LDLRAD4: variants seen among roughly 807,000 people sequenced by gnomAD.
LDLRAD4 encodes the protein low-density lipoprotein receptor class A domain-containing protein 4.
Under a neutral mutation model 17.0 loss-of-function variants are expected in LDLRAD4, and 5 were observed. That is an observed-to-expected ratio of 0.29 (90% CI 0.15 to 0.62). The LOEUF (loss-of-function observed/expected upper bound fraction) is 0.62, where lower values mean the gene tolerates loss of function less well. LDLRAD4 is among the 20% of genes least tolerant of loss of function. The probability of loss-of-function intolerance (pLI) is 0.84; values close to 1 mark genes in which losing one functional copy is unlikely to be tolerated. For missense variants in LDLRAD4, 340 were observed against 424.7 expected (o/e 0.80, Z 1.75); for synonymous variants, 168 against 171.8 (o/e 0.98, Z 0.17).
chr18:13,641,694 G>A, intron 4 of LDLRAD4: 1 of 948,114 alleles, frequency 1.1e-6, no homozygotes, highest in Non-Finnish European at 1.3e-6. Context: ...TCCTGTCCGG[G>A]CTGGCGGGGC....
intron 3 of LDLRAD4, among the ~76,000 whole-genome samples, chr18:13,608,354 G>C (rs187880837): frequency 8.1e-4 from 123 of 152,060 alleles, no homozygotes; most frequent in Non-Finnish European, 1.6e-3. Context: ...ACTGGAGGGG[G>C]AGGCAGCGGG....
chr18:13,238,912 G>T (rs545527103), intron 1 of LDLRAD4, among the ~76,000 whole-genome samples: 14 of 152,118 alleles, frequency 9.2e-5, no homozygotes, highest in Non-Finnish European at 1.6e-4. Flanking sequence ...GTAAGGCCAG[G>T]CGGGTGGCTC....
At chr18:13,636,643 G>A (rs2042107981) in intron 4 of LDLRAD4, among the ~76,000 whole-genome samples, 1 of 151,228 alleles carries the variant, frequency 6.6e-6, no homozygotes, top group Non-Finnish European at 1.5e-5. Flanking sequence ...TTGTAGGCGT[G>A]CACCACCGTG....
intron 3 of LDLRAD4, among the ~76,000 whole-genome samples, chr18:13,468,782 T>C (rs531944767): frequency 6.6e-4 from 91 of 138,428 alleles, no homozygotes; most frequent in African/African-American, 2.2e-3. Context: ...TTCTCACTCA[T>C]AGGTGGGAAT....
intron 1 of LDLRAD4, among the ~76,000 whole-genome samples, chr18:13,331,892 G>C (rs1479573544): frequency 6.6e-6 from 1 of 152,182 alleles, no homozygotes; most frequent in East Asian, 1.9e-4. Flanking sequence ...TTAGAGCCAA[G>C]ATCTTGCTCT....
intron 3 of LDLRAD4, among the ~76,000 whole-genome samples, chr18:13,582,547 A>G (rs1031853516): frequency 2.6e-5 from 4 of 152,120 alleles, no homozygotes; most frequent in Admixed American, 2.6e-4. Context: ...GAGCGATGGG[A>G]GGAGGCATTT....
At chr18:13,585,010 G>A (rs1285694773) in intron 3 of LDLRAD4, among the ~76,000 whole-genome samples, 7 of 152,196 alleles carry the variant, frequency 4.6e-5, no homozygotes, top group East Asian at 3.8e-4. Context: ...TATCTTACAC[G>A]CGTCTGAGCT....
chr18:13,590,508 T>C (rs1245607532), intron 3 of LDLRAD4, among the ~76,000 whole-genome samples: 1 of 152,230 alleles, frequency 6.6e-6, no homozygotes, highest in Non-Finnish European at 1.5e-5. Flanking sequence ...TACACGGCCC[T>C]GCAGCTCCCG....
intron 3 of LDLRAD4, chr18:13,471,353 G>A (rs185034323): frequency 5.8e-4 from 89 of 152,362 alleles, no homozygotes; most frequent in African/African-American, 2.0e-3. Context: ...CTGAGCAGAA[G>A]TGGCGGTGGA....
In LDLRAD4 at chr18:13,612,617, G is replaced by A. The variant is rs147935645; in HGVS notation, c.182-8500G>A. On this transcript the variant is annotated intron_variant, in intron 3 of 5. Coordinates refer to ENST00000359446, the Ensembl canonical transcript of LDLRAD4. Reference sequence around the variant, plus strand: ...CTATAACTGCAGCTCTGAGCTGCCTGGAGAGGAGATTGCCGGAAGCTGAAG... The same window carrying A: ...CTATAACTGCAGCTCTGAGCTGCCTAGAGAGGAGATTGCCGGAAGCTGAAG... 3.2e-4 allele frequency: 510 copies of A among 1,602,900 alleles called. 4 individuals are homozygous for A. The East Asian group carries it at 9.8e-3, about 31-fold the overall frequency.
Position 13,441,016 on chromosome 18 carries a change from C to T in LDLRAD4, c.181+2632C>T, listed in dbSNP as rs2162372. 8.5e-3 allele frequency among the ~76,000 whole-genome samples: 1,296 copies of T among 152,248 alleles called. 15 individuals carry two copies. Among genetic ancestry groups the T allele is most frequent in the African/African-American group, 0.03 (1,236 of 41,546 alleles). On this transcript the variant is annotated intron_variant, in intron 3 of 5. Transcript: ENST00000359446. ...AGCTGGGCGAGTGGTCATGGGGAGA[C>T]GCTCACGGCGCGGGTTGCCTCTGGA...
At chr18:13,321,290 C>T (rs114588842) in intron 1 of LDLRAD4, among the ~76,000 whole-genome samples, 1,856 of 152,292 alleles carry the variant, frequency 0.012, 22 homozygotes, top group African/African-American at 0.031. Flanking sequence ...TCCTCCTGAA[C>T]ATTATGAGTC....
intron 2 of LDLRAD4, among the ~76,000 whole-genome samples, chr18:13,413,265 G>T (rs1409324007): frequency 3.3e-5 from 5 of 152,222 alleles, no homozygotes; most frequent in Admixed American, 1.3e-4. Flanking sequence ...GAGGGAAGGA[G>T]GTTTCAGTGC....
rs1003295658 is a variant in LDLRAD4, at chr18:13,578,827, C to CTTTTTTTTTTTTTTTTT, written c.182-42278_182-42262dup. On this transcript the variant is annotated intron_variant, in intron 3 of 5. Coordinates refer to ENST00000359446, the Ensembl canonical transcript of LDLRAD4. ...TGACCCATTTAAAAGTTGTCCGGGT[C>CTTTTTTTTTTTTTTTTT]TTTTTTTTTTTTTTTTTTTTTTTTT... Among the ~76,000 whole-genome samples, 71 of 65,698 alleles carry CTTTTTTTTTTTTTTTTT rather than the reference C, an allele frequency of 1.1e-3. 15 individuals are homozygous for CTTTTTTTTTTTTTTTTT. The highest frequency in any genetic ancestry group is 2.4e-3 in the African/African-American group (39 of 16,162). 43.1% of individuals were successfully genotyped at this position (65,698 alleles called of 152,430 possible). A position where few individuals can be genotyped will look rare whatever the true frequency, so the allele number is the denominator to read the frequency against.
chr18:13,347,474 A>T (rs555381995), intron 1 of LDLRAD4, among the ~76,000 whole-genome samples: 1 of 152,290 alleles, frequency 6.6e-6, no homozygotes, highest in East Asian at 1.9e-4. Context: ...TTTGTGGGTA[A>T]CCCAACCTTT....
At chr18:13,445,786 TGA>T (rs1042083094) in intron 3 of LDLRAD4, among the ~76,000 whole-genome samples, 2 of 150,834 alleles carry the variant, frequency 1.3e-5, no homozygotes, top group African/African-American at 4.9e-5. Context: ...TGTGTGAGGT[TGA>T]GTCTCTGGTG....
intron 1 of LDLRAD4, among the ~76,000 whole-genome samples, chr18:13,246,355 T>G (rs928362117): frequency 3.9e-5 from 6 of 152,248 alleles, no homozygotes; most frequent in Non-Finnish European, 8.8e-5. Flanking sequence ...TGCATTCTGG[T>G]GCATTTCTGC....
Position 13,387,652 on chromosome 18 carries a change from T to G in LDLRAD4, c.-71T>G, listed in dbSNP as rs2085932055. 2.1e-6 allele frequency: 3 copies of G among 1,424,760 alleles called. No homozygotes were observed. Among genetic ancestry groups the G allele is most frequent in the Admixed American group, 1.7e-5 (1 of 59,714 alleles). 88.3% of individuals were successfully genotyped at this position (1,424,760 alleles called of 1,614,324 possible). On this transcript the variant is annotated 5_prime_UTR_variant, in exon 2 of 6. It removes the in-frame stop codon of an upstream open reading frame in the 5' UTR. Coordinates refer to ENST00000359446, the Ensembl canonical transcript of LDLRAD4. ...TGGACAGGCTAAGATGGAAGTGACCTGAGCCTCGCCCGGCGGCTTCCTCGA... is the reference window on the plus strand; with the variant it reads ...TGGACAGGCTAAGATGGAAGTGACCGGAGCCTCGCCCGGCGGCTTCCTCGA...
chr18:13,374,948 G>A (rs888376563), intron 1 of LDLRAD4, among the ~76,000 whole-genome samples: 8 of 152,136 alleles, frequency 5.3e-5, no homozygotes, highest in Admixed American at 5.2e-4. Flanking sequence ...AGATTTGCAG[G>A]CGTCTAGCCA....
Sources: allele counts gnomAD v4.1 joint callset (sites outside exome capture counted in the v4.1 genomes callset), GRCh38; gene constraint gnomAD v4.1.1; transcripts MANE v1.5; gene names NCBI Gene and HGNC (gene_info 2026-07-23, HGNC 2026-07-21).